The following TMEM272 variants were observed in gnomAD, a reference collection of about 807,000 sequenced individuals.
The protein encoded by TMEM272 is long intergenic non-protein coding RNA 282.
TMEM272 carries 8 observed loss-of-function variants against 3.7 expected under a neutral mutation model. The observed-to-expected ratio is 2.17, with a 90% CI of 1.27 to 3.91. The LOEUF (loss-of-function observed/expected upper bound fraction) is 3.91, where lower values mean the gene tolerates loss of function less well. Among genes scored for constraint, TMEM272 ranks in the 30% most tolerant of loss-of-function variants. The probability of loss-of-function intolerance (pLI) is 0.00; values close to 1 mark genes in which losing one functional copy is unlikely to be tolerated. For missense variants in TMEM272, 166 were observed against 91.5 expected (o/e 1.81, Z -3.32); for synonymous variants, 63 against 39.8 (o/e 1.58, Z -2.20).
At chr13:51,922,860 A>T in the TMEM272 span, among the ~76,000 whole-genome samples, 1 of 152,006 alleles carries the variant, frequency 6.6e-6, no homozygotes, top group African/African-American at 2.4e-5. Context: ...CTATCATTGC[A>T]TCTCCTCTCT....
At chr13:51,910,011 A>T in the TMEM272 span, 1 of 1,528,402 alleles carries the variant, frequency 6.5e-7, no homozygotes, top group Non-Finnish European at 9.1e-7. Flanking sequence ...TCCTATCTCC[A>T]GTTTTTCTTC....
intron 2 of TMEM272, among the ~76,000 whole-genome samples, chr13:51,829,452 G>C (rs1244446973): frequency 6.6e-6 from 1 of 152,202 alleles, no homozygotes; most frequent in African/African-American, 2.4e-5. Context: ...GAGTGACACA[G>C]TGCTGCTGGC....
rs114238666 is a variant in TMEM272, at chr13:51,833,979, C to T, written c.58+4494G>A. ...TGAGGGTGGAACCTTGGGTTGGTGG[C>T]CCCTTCCCTGCAGTGTCCAAAAGGA... On this transcript the variant is annotated intron_variant, in intron 2 of 4. Transcript: ENST00000629372. 4.3e-3 allele frequency among the ~76,000 whole-genome samples: 655 copies of T among 152,098 alleles called. 5 individuals carry two copies. Among genetic ancestry groups the T allele is most frequent in the African/African-American group, 0.015 (636 of 41,478 alleles).
At chr13:51,919,805 T>C in the TMEM272 span, among the ~76,000 whole-genome samples, 1 of 152,248 alleles carries the variant, frequency 6.6e-6, no homozygotes, top group Non-Finnish European at 1.5e-5. Flanking sequence ...CCTGCCACCG[T>C]CCCTGTGACA....
At chr13:51,860,684 C>T in the TMEM272 span, among the ~76,000 whole-genome samples, 7 of 146,684 alleles carry the variant, frequency 4.8e-5, no homozygotes, top group African/African-American at 7.5e-5. Flanking sequence ...AAAAACTATG[C>T]CTTACCAAAA....
At chr13:51,926,596 C>T in the TMEM272 span, among the ~76,000 whole-genome samples, 1 of 112,094 alleles carries the variant, frequency 8.9e-6, no homozygotes, top group Admixed American at 1.3e-4. Context: ...GGTTAAGGTC[C>T]CTTCATGGTT....
chr13:51,862,269 T>A, the TMEM272 span: 1 of 152,236 alleles, frequency 6.6e-6, no homozygotes. Context: ...GTATTTGTTC[T>A]AAGCATAAGG....
chr13:51,898,224 A>AATAG, the TMEM272 span, among the ~76,000 whole-genome samples: 20 of 151,216 alleles, frequency 1.3e-4, no homozygotes, highest in African/African-American at 4.8e-4. Flanking sequence ...CTCAAAAATA[A>AATAG]ATAAATAAAT....
At chr13:51,881,906 T>C in the TMEM272 span, among the ~76,000 whole-genome samples, 4 of 152,050 alleles carry the variant, frequency 2.6e-5, no homozygotes, top group Non-Finnish European at 4.4e-5. Flanking sequence ...ACTAAAACAG[T>C]AGGAGTGCAA....
Position 51,816,852 on chromosome 13 carries a change from C to T in TMEM272, c.463G>A (p.Gly155Arg), listed in dbSNP as rs1956032752. ...CDKTLYLFAV[G>R]VLALSHTVLV... ...ACAGTGTGACTGAGCGCCAGGACTC[C>T]GACTGCAAAGAGGTACAGGGTTTTG... Residue 155 changes from glycine to arginine, a missense_variant, in exon 5 of 5, where the codon GGA (glycine) becomes AGA (arginine). Coordinates refer to ENST00000629372, the MANE Select transcript of TMEM272 (RefSeq NM_001351003.2). 1 of 702,996 alleles carries T rather than the reference C, an allele frequency of 1.4e-6. No individual in the cohort carries two copies. Among genetic ancestry groups the T allele is most frequent in the African/African-American group, 1.7e-5 (1 of 57,344 alleles). 43.5% of individuals were successfully genotyped at this position (702,996 alleles called of 1,614,324 possible). A position where few individuals can be genotyped will look rare whatever the true frequency, so the allele number is the denominator to read the frequency against.
the TMEM272 span, among the ~76,000 whole-genome samples, chr13:51,876,317 G>A: frequency 6.6e-6 from 1 of 152,298 alleles, no homozygotes; most frequent in South Asian, 2.1e-4. Context: ...TATGGCCCCT[G>A]GTGGTCTGTC....
chr13:51,916,452 T>C, the TMEM272 span, among the ~76,000 whole-genome samples: 1 of 152,254 alleles, frequency 6.6e-6, no homozygotes, highest in Non-Finnish European at 1.5e-5. Context: ...GTGCCTGGCA[T>C]ATATTTAAGG....
At chr13:51,908,594 A>T in the TMEM272 span, 5 of 1,509,520 alleles carry the variant, frequency 3.3e-6, no homozygotes, top group Non-Finnish European at 4.6e-6. Context: ...CAGCAGGGAG[A>T]GATGAATCAG....
chr13:51,845,601 C>G (rs970606930), upstream of TMEM272, among the ~76,000 whole-genome samples: 1 of 152,190 alleles, frequency 6.6e-6, no homozygotes, highest in Admixed American at 6.5e-5. Context: ...ACGGCCAGAT[C>G]TGAGATAGAA....
chr13:51,897,318 C>G, the TMEM272 span, among the ~76,000 whole-genome samples: 1 of 149,708 alleles, frequency 6.7e-6, no homozygotes, highest in Admixed American at 6.7e-5. Context: ...ATCTCAGCCT[C>G]CAAAGTAGCT....
chr13:51,845,378 C>A (rs1308911416), upstream of TMEM272, among the ~76,000 whole-genome samples: 1 of 152,168 alleles, frequency 6.6e-6, no homozygotes, highest in Non-Finnish European at 1.5e-5. Flanking sequence ...GTCCCTTAGG[C>A]ACTAAACCTA....
chr13:51,852,932 C>T, the TMEM272 span, among the ~76,000 whole-genome samples: 2 of 151,486 alleles, frequency 1.3e-5, no homozygotes, highest in Non-Finnish European at 1.5e-5. Context: ...TGCTTAGGAG[C>T]ACTGAACCTG....
the TMEM272 span, among the ~76,000 whole-genome samples, chr13:51,919,660 T>C: frequency 1.3e-5 from 2 of 152,240 alleles, no homozygotes; most frequent in African/African-American, 2.4e-5. Context: ...TACTTTCTCT[T>C]ATGACACACA....
intron 2 of TMEM272, among the ~76,000 whole-genome samples, chr13:51,836,375 G>A (rs61957368): frequency 0.14 from 21,821 of 152,168 alleles, 1,795 homozygotes; most frequent in East Asian, 0.27. Context: ...GCAGCACAAA[G>A]TGGATTAAGA....
Sources: allele counts gnomAD v4.1 joint callset (sites outside exome capture counted in the v4.1 genomes callset), GRCh38; gene constraint gnomAD v4.1.1; transcripts MANE v1.5; gene names NCBI Gene and HGNC (gene_info 2026-07-23, HGNC 2026-07-21).